The following VWA8 variants were observed in gnomAD, a reference collection of about 807,000 sequenced individuals.
VWA8 encodes von Willebrand factor A domain containing 8.
A neutral mutation model predicts 241.5 loss-of-function variants in VWA8; 221 were observed. That is an observed-to-expected ratio of 0.91 (90% CI 0.82 to 1.02). The LOEUF is 1.02. Among genes scored for constraint, VWA8 ranks in the 50% least tolerant of loss-of-function variants. The pLI is 0.00. For missense variants in VWA8, 2,322 were observed against 2,328.7 expected (o/e 1.00, Z 0.06); for synonymous variants, 852 against 827.1 (o/e 1.03, Z -0.52).
At chr13:41,840,674 A>C (rs775784130) in intron 12 of VWA8, among the ~76,000 whole-genome samples, 1 of 151,658 alleles carries the variant, frequency 6.6e-6, no homozygotes, top group Non-Finnish European at 1.5e-5. Context: ...CACAAGGATC[A>C]CTTGAGGCCA....
intron 17 of VWA8, among the ~76,000 whole-genome samples, chr13:41,804,563 A>C (rs1444835043): frequency 2.6e-5 from 4 of 152,184 alleles, no homozygotes; most frequent in Non-Finnish European, 5.9e-5. Flanking sequence ...GAGCAGTAAG[A>C]AATATCTGAA....
chr13:41,902,058 G>A (rs1459955026), intron 4 of VWA8, among the ~76,000 whole-genome samples: 1 of 151,276 alleles, frequency 6.6e-6, no homozygotes, highest in East Asian at 1.9e-4. Flanking sequence ...GACTGTCCAA[G>A]TGCAAATTAG....
intron 42 of VWA8, among the ~76,000 whole-genome samples, chr13:41,579,123 G>C (rs951612657): frequency 6.6e-6 from 1 of 152,200 alleles, no homozygotes; most frequent in Non-Finnish European, 1.5e-5. Flanking sequence ...ACAACCATTT[G>C]CTGGCTTTAG....
chr13:41,810,466 T>C (rs1870417372), intron 17 of VWA8, among the ~76,000 whole-genome samples: 1 of 152,146 alleles, frequency 6.6e-6, no homozygotes, highest in Non-Finnish European at 1.5e-5. Context: ...AGTTCTGTCA[T>C]TTGCAACAAC....
chr13:41,639,896 T>C (rs542715751), intron 37 of VWA8, among the ~76,000 whole-genome samples: 1 of 152,296 alleles, frequency 6.6e-6, no homozygotes, highest in African/African-American at 2.4e-5. Flanking sequence ...TTTACCCATG[T>C]AACTCACCTG....
At chr13:41,586,711 A>G (rs1436606829) in intron 42 of VWA8, among the ~76,000 whole-genome samples, 2 of 152,216 alleles carry the variant, frequency 1.3e-5, no homozygotes, top group African/African-American at 4.8e-5. Flanking sequence ...ATAGCAATCT[A>G]AGATCACTGA....
intron 28 of VWA8, 95 bp from the exon 29 acceptor site, chr13:41,699,365 G>A: frequency 2.5e-6 from 3 of 1,190,828 alleles, no homozygotes; most frequent in East Asian, 4.8e-5. Flanking sequence ...ATACACAGCT[G>A]GAACAGAGTT....
intron 21 of VWA8, among the ~76,000 whole-genome samples, chr13:41,740,449 G>A (rs765960085): frequency 3.9e-5 from 6 of 152,182 alleles, no homozygotes; most frequent in Admixed American, 6.5e-5. Flanking sequence ...AACACTTTCA[G>A]GAAACTGGGT....
At chr13:41,851,955 G>A (rs1454171170) in intron 12 of VWA8, among the ~76,000 whole-genome samples, 2 of 152,104 alleles carry the variant, frequency 1.3e-5, no homozygotes, top group African/African-American at 4.8e-5. Flanking sequence ...CCCAGAAGTG[G>A]GATTGCTGGA....
chr13:41,954,775 A>G (rs1050609018), intron 1 of VWA8, among the ~76,000 whole-genome samples: 6 of 152,260 alleles, frequency 3.9e-5, no homozygotes, highest in Non-Finnish European at 7.3e-5. Context: ...AGATACACTC[A>G]GAATTTGTAA....
intron 37 of VWA8, among the ~76,000 whole-genome samples, chr13:41,630,399 A>G (rs76740189): frequency 0.012 from 1,796 of 151,838 alleles, 36 homozygotes; most frequent in East Asian, 0.097. Flanking sequence ...CCATCTCTCT[A>G]TACCAACCCA....
chr13:41,587,768 G>A lies in VWA8; in HGVS notation c.5113-98C>T, dbSNP rs182617649. ...ACAGAAGCTCCAGCGTGCCAGCCCC[G>A]AGATGGGCAGACCAGCCATAGGCTC... On this transcript the variant is annotated intron_variant, in intron 41 of 44. Coordinates refer to ENST00000379310, the MANE Select transcript of VWA8 (RefSeq NM_015058.2). The A allele has an allele frequency of 2.0e-4, 285 of 1,430,860 alleles. 1 individual carries two copies. The highest frequency in any genetic ancestry group is 5.5e-4 in the East Asian group (23 of 42,118). 88.6% of individuals were successfully genotyped at this position (1,430,860 alleles called of 1,614,324 possible). A position where few individuals can be genotyped will look rare whatever the true frequency, so the allele number is the denominator to read the frequency against.
intron 24 of VWA8, among the ~76,000 whole-genome samples, chr13:41,722,388 T>C (rs2045399773): frequency 6.6e-6 from 1 of 152,170 alleles, no homozygotes; most frequent in African/African-American, 2.4e-5. Flanking sequence ...CTTACATTAT[T>C]TAATATGTTC....
chr13:41,683,144 T>C (rs903334572), intron 35 of VWA8, among the ~76,000 whole-genome samples: 1 of 152,102 alleles, frequency 6.6e-6, no homozygotes, highest in Non-Finnish European at 1.5e-5. Flanking sequence ...CAAATGTTCA[T>C]AGTGGCCTTA....
At chr13:41,682,357 C>T (rs1329684598) in intron 35 of VWA8, among the ~76,000 whole-genome samples, 1 of 152,118 alleles carries the variant, frequency 6.6e-6, no homozygotes, top group Non-Finnish European at 1.5e-5. Context: ...TCAGTCCATA[C>T]CTTACACCAT....
intron 26 of VWA8, among the ~76,000 whole-genome samples, chr13:41,708,808 G>A (rs951033454): frequency 1.4e-4 from 22 of 152,132 alleles, no homozygotes; most frequent in African/African-American, 5.1e-4. Flanking sequence ...CTGTAGTTTA[G>A]TGCTGTTGCC....
intron 21 of VWA8, among the ~76,000 whole-genome samples, chr13:41,739,636 ACT>A (rs1416263712): frequency 2.6e-5 from 4 of 151,802 alleles, no homozygotes; most frequent in Non-Finnish European, 5.9e-5. Flanking sequence ...TGTTTGGAAA[ACT>A]CTTACCTTAA....
At chr13:41,648,001 A>G (rs958777520) in intron 37 of VWA8, among the ~76,000 whole-genome samples, 5 of 152,182 alleles carry the variant, frequency 3.3e-5, no homozygotes, top group African/African-American at 4.8e-5. Context: ...GAAAAAAAAA[A>G]AGAATTCAAG....
intron 5 of VWA8, among the ~76,000 whole-genome samples, chr13:41,889,802 TA>T (rs1235359734): frequency 6.6e-6 from 1 of 151,924 alleles, no homozygotes; most frequent in African/African-American, 2.4e-5. Flanking sequence ...CTCCTATACT[TA>T]AAAAAAATGA....
Sources: allele counts gnomAD v4.1 joint callset (sites outside exome capture counted in the v4.1 genomes callset), GRCh38; gene constraint gnomAD v4.1.1; transcripts MANE v1.5; gene names NCBI Gene and HGNC (gene_info 2026-07-23, HGNC 2026-07-21).